Variants in NUP155 observed in about 807,000 individuals in gnomAD.
NUP155 encodes the protein nuclear pore complex protein Nup155.
Under a neutral mutation model 180.4 loss-of-function variants are expected in NUP155, and 71 were observed. That is an observed-to-expected ratio of 0.39 (90% CI 0.33 to 0.48). NUP155 has a LOEUF of 0.48. Among genes scored for constraint, NUP155 ranks in the 20% least tolerant of loss-of-function variants. NUP155 has a pLI of 0.91. For missense variants in NUP155, 1,553 were observed against 1,648.9 expected (o/e 0.94, Z 1.01); for synonymous variants, 582 against 559.5 (o/e 1.04, Z -0.57).
intron 13 of NUP155, among the ~76,000 whole-genome samples, chr5:37,332,388 C>G (rs927820941): frequency 3.0e-5 from 4 of 132,548 alleles, no homozygotes; most frequent in Non-Finnish European, 6.1e-5. Context: ...GTGGCGCAAT[C>G]TCGGCTCACT....
intron 1 of NUP155, chr5:37,370,531 G>T (rs942743714): frequency 1.4e-6 from 1 of 709,942 alleles, no homozygotes; most frequent in Admixed American, 3.2e-5. Context: ...TATGGCCTTA[G>T]CCATAAGCAC....
At chr5:37,365,752 T>TATATATATATATAC (rs1403169370) in intron 1 of NUP155, among the ~76,000 whole-genome samples, 25 of 37,886 alleles carry the variant, frequency 6.6e-4, no homozygotes, top group African/African-American at 2.7e-3. Context: ...TATATATATA[T>TATATATATATATAC]ACACACACAC....
chr5:37,370,847 G>A lies in NUP155; in HGVS notation c.131C>T (p.Ser44Phe), dbSNP rs757230760. 6.2e-7 allele frequency: 1 copy of A among 1,614,176 alleles called. No homozygotes were observed. Among genetic ancestry groups the A allele is most frequent in the Non-Finnish European group, 8.5e-7 (1 of 1,180,032 alleles). Reference protein sequence around the residue: ...LQEDRMYPDLSELLMVSAPNN... With the variant: ...LQEDRMYPDLFELLMVSAPNN... ...TGGGGCAGACACCATAAGCAGCTCG[G>A]AAAGGTCCGGGTACATGCGGTCCTC... is the stretch of plus-strand genomic sequence containing the variant. The change falls in exon 1 of 35, where the codon TCC (serine) becomes TTC (phenylalanine). Residue 44 changes from serine (S) to phenylalanine (F), a missense_variant. Coordinates refer to ENST00000231498, the MANE Select transcript of NUP155 (RefSeq NM_153485.3).
At chr5:37,332,414 C>T (rs938202580) in intron 13 of NUP155, among the ~76,000 whole-genome samples, 1 of 149,966 alleles carries the variant, frequency 6.7e-6, no homozygotes, top group African/African-American at 2.5e-5. Flanking sequence ...CTCCGCCTCC[C>T]GGGTTCATGC....
chr5:37,317,120 G>C (rs1293173333), intron 21 of NUP155, among the ~76,000 whole-genome samples: 2 of 151,742 alleles, frequency 1.3e-5, no homozygotes, highest in Non-Finnish European at 2.9e-5. Context: ...AGTGAGCCGA[G>C]ATCATGCCAC....
intron 12 of NUP155, among the ~76,000 whole-genome samples, chr5:37,334,528 A>C (rs934543447): frequency 1.3e-5 from 2 of 151,940 alleles, no homozygotes; most frequent in Non-Finnish European, 2.9e-5. Flanking sequence ...TTAGAGACGC[A>C]CACCACCATA....
intron 20 of NUP155, among the ~76,000 whole-genome samples, chr5:37,320,231 A>T (rs1055086810): frequency 6.6e-5 from 10 of 152,106 alleles, no homozygotes; most frequent in Non-Finnish European, 2.9e-5. Flanking sequence ...TAATCCCAGC[A>T]CTTTGGGAGG....
chr5:37,309,362 A>T, intron 23 of NUP155, 95 bp from the exon 24 acceptor site: 433 of 939,830 alleles, frequency 4.6e-4, no homozygotes, highest in Middle Eastern at 1.4e-3. Context: ...AAATTTATAT[A>T]TGGTTATTAC....
Position 37,305,130 on chromosome 5 carries a change from A to G in NUP155, c.2984T>C (p.Val995Ala), listed in dbSNP as rs1299426356. The G allele has an allele frequency of 6.2e-7, 1 of 1,613,996 alleles. No homozygotes were observed. The highest frequency in any genetic ancestry group is 8.5e-7 in the Non-Finnish European group (1 of 1,179,990). The change falls in exon 26 of 35, where the codon GTA (valine) becomes GCA (alanine). Residue 995 changes from valine to alanine, a missense_variant. Coordinates refer to ENST00000231498, the MANE Select transcript of NUP155 (RefSeq NM_153485.3). ...CACTGGAGGACCAGGTTTTTTGGGT[A>G]CACTGGGAGACTGAGGAGCGGCCTT... ...QSKAAPQSPS[V>A]PKKPGPPVLS...
At chr5:37,357,880 C>T (rs2111662047) in intron 4 of NUP155, among the ~76,000 whole-genome samples, 1 of 152,250 alleles carries the variant, frequency 6.6e-6, no homozygotes, top group Middle Eastern at 3.4e-3. Flanking sequence ...GTAATCCCAG[C>T]TATTCGGGAG....
At chr5:37,298,787 G>C (rs997012366) in intron 32 of NUP155, 81 bp downstream of exon 32, 4 of 796,146 alleles carry the variant, frequency 5.0e-6, no homozygotes, top group Admixed American at 3.8e-5. Context: ...TATTTTACTC[G>C]AAAGATCGTT....
At position 37,341,224 on chromosome 5, in the gene NUP155, C is replaced by G. The variant is rs143375056; in HGVS notation, c.1112G>C (p.Ser371Thr). ...VTHAGVRLYFSTCPFRQPLAR... is the reference protein window; with the variant it reads ...VTHAGVRLYFTTCPFRQPLAR... The stretch of plus-strand genomic sequence containing the variant: ...TAATGGCTGTCTGAATGGACAAGTG[C>G]TAAAATATAACCTAACACCTGAAGA... The change falls in exon 11 of 35, where the codon AGC (serine) becomes ACC (threonine). Residue 371 changes from serine to threonine, a missense_variant. Transcript: ENST00000231498. 1 of 1,613,908 alleles carries G rather than the reference C, an allele frequency of 6.2e-7. No individual in the cohort carries two copies. The highest frequency in any genetic ancestry group is 1.1e-5 in the South Asian group (1 of 91,080).
At chr5:37,330,717 G>A (rs1389655747) in intron 14 of NUP155, among the ~76,000 whole-genome samples, 2 of 151,990 alleles carry the variant, frequency 1.3e-5, no homozygotes, top group African/African-American at 4.8e-5. Context: ...TCTTCCTCAG[G>A]TCATTAAGCC....
chr5:37,304,855 A>G lies in NUP155; in HGVS notation c.3058-12T>C, dbSNP rs1743064167. On this transcript the variant is annotated splice_polypyrimidine_tract_variant and intron_variant, in intron 26 of 34. Transcript: ENST00000231498. The stretch of plus-strand genomic sequence containing the variant: ...AGCATTTGTTCAAACTAAAATAAAG[A>G]AAATAGTAAAAATTAGCAGTTAAAG... 6.2e-7 allele frequency: 1 copy of G among 1,606,466 alleles called. No homozygotes were observed. Among genetic ancestry groups the G allele is most frequent in the African/African-American group, 1.3e-5 (1 of 74,772 alleles).
At chr5:37,304,514 C>T (rs1043608020) in intron 27 of NUP155, among the ~76,000 whole-genome samples, 8 of 152,062 alleles carry the variant, frequency 5.3e-5, no homozygotes, top group African/African-American at 1.4e-4. Flanking sequence ...GTGATTTCTA[C>T]CCCGCAATAC....
chr5:37,370,620 G>C (rs1488363106), intron 1 of NUP155: 3 of 1,467,194 alleles, frequency 2.0e-6, no homozygotes, highest in Admixed American at 2.3e-5. Flanking sequence ...CTTCACTCTT[G>C]CCCTCTCAAG....
At chr5:37,317,154 G>C (rs951596270) in intron 21 of NUP155, among the ~76,000 whole-genome samples, 4 of 146,038 alleles carry the variant, frequency 2.7e-5, no homozygotes, top group African/African-American at 1.0e-4. Flanking sequence ...GGGCGACAGA[G>C]TGAGACTCTG....
chr5:37,344,277 G>A (rs955511300), intron 9 of NUP155, among the ~76,000 whole-genome samples: 4 of 151,106 alleles, frequency 2.6e-5, no homozygotes, highest in African/African-American at 9.7e-5. Context: ...CGGAGGCAGA[G>A]GTTGCTGTGA....
chr5:37,354,854 G>A (rs113358128), intron 4 of NUP155, among the ~76,000 whole-genome samples: 43 of 152,160 alleles, frequency 2.8e-4, no homozygotes, highest in Admixed American at 5.9e-4. Flanking sequence ...CACTTTGAGA[G>A]GCAGAGACGG....
Sources: gnomAD v4.1 joint callset for allele counts (sites outside exome capture counted in the v4.1 genomes callset) on GRCh38, gnomAD v4.1.1 for gene constraint, MANE v1.5 for transcripts, NCBI Gene and HGNC (gene_info 2026-07-23, HGNC 2026-07-21) for gene names.